FRMD5: variants seen among roughly 807,000 people sequenced by gnomAD.
FRMD5 encodes the protein FERM domain-containing protein 5.
Under a neutral mutation model 69.0 loss-of-function variants are expected in FRMD5, and 20 were observed. The ratio of observed to expected loss-of-function variants is 0.29; its 90% CI spans 0.20 to 0.42. FRMD5 has a LOEUF of 0.42. Ranked by LOEUF, FRMD5 falls within the 10% of genes least tolerant of loss-of-function variation. The pLI is 1.00. For missense variants in FRMD5, 595 were observed against 708.6 expected (o/e 0.84, Z 1.82); for synonymous variants, 271 against 260.1 (o/e 1.04, Z -0.40).
At chr15:44,155,957 T>C (rs2077521434) in intron 1 of FRMD5, among the ~76,000 whole-genome samples, 1 of 151,958 alleles carries the variant, frequency 6.6e-6, no homozygotes, top group Non-Finnish European at 1.5e-5. Context: ...TAATGAAATA[T>C]GCAAGAAGTT....
chr15:44,112,633 A>AT (rs1476997006), intron 1 of FRMD5, among the ~76,000 whole-genome samples: 1 of 151,618 alleles, frequency 6.6e-6, no homozygotes, highest in East Asian at 1.9e-4. Context: ...TGCCCTGCTA[A>AT]TTTTTTGTAT....
chr15:44,095,826 A>AGG (rs1379775537), intron 1 of FRMD5, among the ~76,000 whole-genome samples: 1 of 152,130 alleles, frequency 6.6e-6, no homozygotes, highest in African/African-American at 2.4e-5. Context: ...CTGCACTCAA[A>AGG]GGCATGCCTG....
chr15:44,022,252 T>C (rs888068168), intron 1 of FRMD5, among the ~76,000 whole-genome samples: 8 of 152,074 alleles, frequency 5.3e-5, no homozygotes, highest in Non-Finnish European at 8.8e-5. Flanking sequence ...TTATGTTATG[T>C]ATATTTTAAT....
chr15:44,023,179 T>C (rs1467683437), intron 1 of FRMD5, among the ~76,000 whole-genome samples: 2 of 152,164 alleles, frequency 1.3e-5, no homozygotes, highest in East Asian at 3.9e-4. Flanking sequence ...ACAAGAGACG[T>C]TCTTGCCCCT....
chr15:44,131,976 T>G (rs1052025002), intron 1 of FRMD5, among the ~76,000 whole-genome samples: 1 of 152,184 alleles, frequency 6.6e-6, no homozygotes, highest in African/African-American at 2.4e-5. Flanking sequence ...ATGAAATAAT[T>G]ACACAACTCA....
intron 1 of FRMD5, among the ~76,000 whole-genome samples, chr15:44,190,968 C>T (rs2078182920): frequency 6.6e-6 from 1 of 152,214 alleles, no homozygotes; most frequent in African/African-American, 2.4e-5. Flanking sequence ...CCTCTCTCAC[C>T]CTAGCTACCA....
intron 8 of FRMD5, 46 bp from the exon 9 acceptor site, chr15:43,888,918 G>C (rs1393179839): frequency 1.3e-6 from 2 of 1,547,696 alleles, no homozygotes; most frequent in Non-Finnish European, 1.8e-6. Context: ...TGGGCTGCTT[G>C]TTCACAGCTA....
At chr15:44,014,739 A>G (rs1890879997) in intron 1 of FRMD5, among the ~76,000 whole-genome samples, 2 of 152,192 alleles carry the variant, frequency 1.3e-5, no homozygotes, top group Admixed American at 1.3e-4. Flanking sequence ...CTTCGTCTCA[A>G]AAAAAAGAAA....
chr15:44,122,683 G>A (rs752818004), intron 1 of FRMD5, among the ~76,000 whole-genome samples: 9 of 152,150 alleles, frequency 5.9e-5, no homozygotes, highest in Non-Finnish European at 1.2e-4. Flanking sequence ...GGCAGATCAC[G>A]AGGTCAGGAG....
intron 1 of FRMD5, among the ~76,000 whole-genome samples, chr15:44,152,007 C>T (rs1008976760): frequency 7.9e-5 from 12 of 152,110 alleles, no homozygotes; most frequent in South Asian, 2.1e-4. Context: ...GTCAGGAGTT[C>T]GAGACCAGCC....
chr15:44,041,728 C>T (rs530965459), intron 1 of FRMD5, among the ~76,000 whole-genome samples: 3 of 152,046 alleles, frequency 2.0e-5, no homozygotes, highest in Admixed American at 1.3e-4. Flanking sequence ...TTCTTTGAAA[C>T]GAATGAGAAC....
intron 1 of FRMD5, among the ~76,000 whole-genome samples, chr15:43,939,668 C>T (rs1337039915): frequency 2.6e-5 from 4 of 152,136 alleles, no homozygotes; most frequent in African/African-American, 9.7e-5. Context: ...ATTGATCCTC[C>T]TACCTCAGCC....
intron 1 of FRMD5, among the ~76,000 whole-genome samples, chr15:44,048,641 C>T (rs886747207): frequency 5.3e-5 from 8 of 151,842 alleles, no homozygotes; most frequent in Non-Finnish European, 8.8e-5. Context: ...GGTGTGATCT[C>T]GTCTCACGGC....
At chr15:43,949,497 T>TA in intron 1 of FRMD5, among the ~76,000 whole-genome samples, 1 of 152,220 alleles carries the variant, frequency 6.6e-6, no homozygotes, top group Non-Finnish European at 1.5e-5. Flanking sequence ...GTCTTGCTGA[T>TA]AGATGCTCAA....
intron 1 of FRMD5, among the ~76,000 whole-genome samples, chr15:43,954,582 G>A (rs1016172716): frequency 6.6e-6 from 1 of 152,202 alleles, no homozygotes; most frequent in Admixed American, 6.5e-5. Flanking sequence ...CGAGGGGAAA[G>A]GGGTTGACTC....
intron 1 of FRMD5, among the ~76,000 whole-genome samples, chr15:44,015,737 T>C (rs1284986776): frequency 6.6e-6 from 1 of 152,174 alleles, no homozygotes; most frequent in Admixed American, 6.5e-5. Flanking sequence ...CACAAAGAGT[T>C]ACTAGGGGAA....
chr15:43,874,194 A>C lies in FRMD5; in HGVS notation c.1404T>G (p.Thr468=). The change falls in exon 14 of 14, where the codon ACT becomes ACG. Residue 468 remains threonine, a synonymous_variant. Transcript: ENST00000417257. ...CCCCAAGGGCCTCCACCTCTGTAGC[A>C]GTTGGGGTGCTGGCTTCAGATTCCT... ...EEKESEASTP[T]ATEVEALGGE... is the part of the protein sequence containing the mutation. 6.2e-7 allele frequency: 1 copy of C among 1,614,170 alleles called. No homozygotes were observed. The highest frequency in any genetic ancestry group is 8.5e-7 in the Non-Finnish European group (1 of 1,180,024).
At chr15:43,902,067 A>G (rs2089058466) in intron 7 of FRMD5, 108 bp downstream of exon 7, 1 of 760,996 alleles carries the variant, frequency 1.3e-6, no homozygotes, top group Non-Finnish European at 2.3e-6. Context: ...TGAAAGTGCC[A>G]GCCATGTAAA....
chr15:44,112,881 C>A (rs2076819174), intron 1 of FRMD5, among the ~76,000 whole-genome samples: 1 of 152,158 alleles, frequency 6.6e-6, no homozygotes, highest in Middle Eastern at 3.4e-3. Flanking sequence ...AGGCATGAGC[C>A]ACCACACTCG....
Sources: allele counts gnomAD v4.1 joint callset (sites outside exome capture counted in the v4.1 genomes callset), GRCh38; gene constraint gnomAD v4.1.1; transcripts MANE v1.5; gene names NCBI Gene and HGNC (gene_info 2026-07-23, HGNC 2026-07-21).